Variants in ADGRL3 observed in about 807,000 individuals in gnomAD.
ADGRL3 encodes the protein adhesion G protein-coupled receptor L3, also known as calcium-independent alpha-latrotoxin receptor 3.
Under a neutral mutation model 153.5 loss-of-function variants are expected in ADGRL3, and 62 were observed. The observed-to-expected ratio is 0.40, with a 90% CI of 0.33 to 0.50. The LOEUF is 0.50. Among genes scored for constraint, ADGRL3 ranks in the 20% least tolerant of loss-of-function variants. The pLI, the probability that ADGRL3 is intolerant of heterozygous loss-of-function variation, is 0.47. For missense variants in ADGRL3, 1,641 were observed against 1,859.4 expected (o/e 0.88, Z 2.16); for synonymous variants, 710 against 672.5 (o/e 1.06, Z -0.86).
intron 3 of ADGRL3, among the ~76,000 whole-genome samples, chr4:61,512,809 T>C (rs190368205): frequency 5.9e-5 from 9 of 152,112 alleles, no homozygotes; most frequent in African/African-American, 1.9e-4. Flanking sequence ...GGATACTTTG[T>C]ACAAAGGATT....
chr4:61,667,596 G>T (rs2094844133), intron 5 of ADGRL3, among the ~76,000 whole-genome samples: 1 of 152,128 alleles, frequency 6.6e-6, no homozygotes, highest in African/African-American at 2.4e-5. Flanking sequence ...CACATTTTGT[G>T]AGGTTTTACG....
chr4:61,746,571 C>T (rs2096664441), intron 8 of ADGRL3, among the ~76,000 whole-genome samples: 1 of 152,158 alleles, frequency 6.6e-6, no homozygotes, highest in Non-Finnish European at 1.5e-5. Flanking sequence ...AACCACTCAA[C>T]TACATGGAAA....
intron 2 of ADGRL3, among the ~76,000 whole-genome samples, chr4:61,415,320 T>C (rs1244206901): frequency 6.6e-6 from 1 of 152,034 alleles, no homozygotes. Context: ...TATAAGTACT[T>C]GCCTTATTTC....
chr4:61,374,614 A>G (rs1397970318), intron 1 of ADGRL3, among the ~76,000 whole-genome samples: 1 of 152,098 alleles, frequency 6.6e-6, no homozygotes, highest in Non-Finnish European at 1.5e-5. Flanking sequence ...ACTACAGGCA[A>G]TGTGGGAAGG....
At chr4:61,224,749 A>G (rs1290899645) in intron 1 of ADGRL3, among the ~76,000 whole-genome samples, 3 of 152,234 alleles carry the variant, frequency 2.0e-5, no homozygotes, top group Non-Finnish European at 4.4e-5. Flanking sequence ...TTAGCCATTC[A>G]GAAATCCTTG....
intron 15 of ADGRL3, among the ~76,000 whole-genome samples, chr4:61,940,092 C>A (rs1262495353): frequency 9.2e-6 from 1 of 109,116 alleles, no homozygotes; most frequent in Non-Finnish European, 1.9e-5. Flanking sequence ...CCCCCGACCC[C>A]ACCACAGTCC....
At chr4:61,550,968 C>T (rs1029528189) in intron 4 of ADGRL3, among the ~76,000 whole-genome samples, 10 of 152,046 alleles carry the variant, frequency 6.6e-5, no homozygotes, top group African/African-American at 2.4e-4. Flanking sequence ...CCACAGGGCC[C>T]GCCTTACTGT....
At chr4:61,227,644 T>C (rs1019077798) in intron 1 of ADGRL3, among the ~76,000 whole-genome samples, 3 of 152,224 alleles carry the variant, frequency 2.0e-5, no homozygotes, top group African/African-American at 7.2e-5. Context: ...TGAAATATAA[T>C]GTTTTTCCTC....
intron 5 of ADGRL3, among the ~76,000 whole-genome samples, chr4:61,671,154 G>A (rs2094980270): frequency 6.6e-6 from 1 of 152,080 alleles, no homozygotes; most frequent in African/African-American, 2.4e-5. Context: ...CTAATTATTT[G>A]AATAGTCAAT....
Position 61,733,613 on chromosome 4 carries a change from G to A in ADGRL3, c.1399+59G>A, listed in dbSNP as rs2096469912. 1.6e-5 allele frequency: 20 copies of A among 1,221,122 alleles called. No homozygotes were observed. In the South Asian group the frequency reaches 2.3e-4, roughly 14 times the overall value. 75.6% of individuals were successfully genotyped at this position (1,221,122 alleles called of 1,614,324 possible). A position where few individuals can be genotyped will look rare whatever the true frequency, so the allele number is the denominator to read the frequency against. On this transcript the variant is annotated intron_variant, in intron 8 of 26. Coordinates refer to ENST00000683033, the MANE Select transcript of ADGRL3 (RefSeq NM_001387552.1). ...AATATTTACTGTTTGTTCTCAGCAA[G>A]TTCATTTTATGTTTTTATTAAACTT...
chr4:61,219,373 GTAACTAGAATTTT>G (rs2148989190), intron 1 of ADGRL3, among the ~76,000 whole-genome samples: 2 of 152,222 alleles, frequency 1.3e-5, no homozygotes, highest in African/African-American at 4.8e-5. Context: ...GACCTGTAAC[GTAACTAGAATTTT>G]TAATATGTTT....
In ADGRL3 at chr4:61,364,716, C is replaced by A. The variant is rs977883432; in HGVS notation, c.-239-18408C>A. ...AGAAGGACATTCTAAATGTGAGTCA[C>A]CAAATGTACAAACAGGTTGGAGTTA... On this transcript the variant is annotated intron_variant, in intron 1 of 26. Transcript: ENST00000683033. Among the ~76,000 whole-genome samples, 3 of 152,072 alleles carry A rather than the reference C, an allele frequency of 2.0e-5. No homozygotes were observed. In the South Asian group the frequency reaches 6.2e-4, roughly 32 times the overall value.
At chr4:61,654,355 A>C (rs2094375969) in intron 5 of ADGRL3, among the ~76,000 whole-genome samples, 1 of 152,088 alleles carries the variant, frequency 6.6e-6, no homozygotes, top group Non-Finnish European at 1.5e-5. Context: ...GTACAAATAT[A>C]GCATGATTTT....
At chr4:61,807,175 A>G (rs1375822575) in intron 8 of ADGRL3, among the ~76,000 whole-genome samples, 1 of 152,130 alleles carries the variant, frequency 6.6e-6, no homozygotes, top group African/African-American at 2.4e-5. Flanking sequence ...CTTGGTATCA[A>G]TCACATAGTA....
intron 6 of ADGRL3, among the ~76,000 whole-genome samples, chr4:61,710,973 G>A (rs959694002): frequency 1.3e-5 from 2 of 152,066 alleles, no homozygotes; most frequent in African/African-American, 4.8e-5. Context: ...ATAGTTCTCA[G>A]CTGTATTAAT....
intron 19 of ADGRL3, among the ~76,000 whole-genome samples, chr4:61,992,448 T>C (rs963083841): frequency 1.3e-5 from 2 of 152,160 alleles, no homozygotes; most frequent in African/African-American, 2.4e-5. Context: ...ACAGGAATCA[T>C]GCAAATTTTT....
At chr4:61,272,762 T>A (rs1431392323) in intron 1 of ADGRL3, among the ~76,000 whole-genome samples, 1 of 152,188 alleles carries the variant, frequency 6.6e-6, no homozygotes. Flanking sequence ...GAGGAAATGA[T>A]CTTCATTTAA....
At chr4:61,833,862 G>A (rs914559921) in intron 9 of ADGRL3, among the ~76,000 whole-genome samples, 9 of 152,044 alleles carry the variant, frequency 5.9e-5, no homozygotes, top group Non-Finnish European at 1.2e-4. Context: ...CTATGCCCAG[G>A]AGTGAACAGG....
chr4:61,473,937 G>T (rs1299268851), intron 2 of ADGRL3, among the ~76,000 whole-genome samples: 2 of 152,004 alleles, frequency 1.3e-5, no homozygotes, highest in Non-Finnish European at 2.9e-5. Flanking sequence ...ATATACACCT[G>T]TGGACAAATG....
Sources: gnomAD v4.1 joint callset for allele counts (sites outside exome capture counted in the v4.1 genomes callset) on GRCh38, gnomAD v4.1.1 for gene constraint, MANE v1.5 for transcripts, NCBI Gene and HGNC (gene_info 2026-07-23, HGNC 2026-07-21) for gene names.